Variants in WWC1 observed in about 807,000 individuals in gnomAD.
WWC1 encodes the protein protein KIBRA.
A neutral mutation model predicts 138.4 loss-of-function variants in WWC1; 55 were observed. The ratio of observed to expected loss-of-function variants is 0.40; its 90% CI spans 0.32 to 0.50. WWC1 has a LOEUF of 0.50. Among genes scored for constraint, WWC1 ranks in the 20% least tolerant of loss-of-function variants. WWC1 has a pLI of 0.72. For missense variants in WWC1, 1,226 were observed against 1,420.4 expected, an observed-to-expected ratio of 0.86 and a Z score of 2.20; for synonymous variants, 524 against 564.9, an observed-to-expected ratio of 0.93 and a Z score of 1.03.
chr5:168,428,147 T>C lies in WWC1; in HGVS notation c.1919+6T>C. 1.9e-6 allele frequency: 3 copies of C among 1,611,584 alleles called. No individual in the cohort carries two copies. The highest frequency in any genetic ancestry group is 2.5e-6 in the Non-Finnish European group (3 of 1,178,414). On this transcript the variant is annotated splice_donor_region_variant and intron_variant, in intron 12 of 22. Transcript: ENST00000265293. ...TACGAGGCTTCCGTGCAGAGGTAGG[T>C]GTCTGGGTGCTGGCTCTCTCTGTGG...
chr5:168,340,451 C>T (rs1357980034), intron 1 of WWC1, among the ~76,000 whole-genome samples: 1 of 152,162 alleles, frequency 6.6e-6, no homozygotes, highest in Admixed American at 6.5e-5. Context: ...ATCACCTCCC[C>T]ACAAAAAACT....
chr5:168,356,693 T>C (rs1775449669), intron 1 of WWC1, among the ~76,000 whole-genome samples: 2 of 152,228 alleles, frequency 1.3e-5, no homozygotes, highest in Admixed American at 6.5e-5. Context: ...AGAGCTGGCT[T>C]CTTCATGATG....
intron 17 of WWC1, among the ~76,000 whole-genome samples, chr5:168,453,631 C>T (rs763358434): frequency 1.8e-4 from 28 of 152,110 alleles, no homozygotes; most frequent in Admixed American, 3.9e-4. Flanking sequence ...CTGCAACCTC[C>T]ACCTCCCGGG....
intron 19 of WWC1, among the ~76,000 whole-genome samples, chr5:168,459,462 T>C (rs943614341): frequency 2.6e-5 from 4 of 152,122 alleles, no homozygotes; most frequent in African/African-American, 9.7e-5. Context: ...AACTCTGGTT[T>C]TGATGCTCCC....
chr5:168,362,345 G>C (rs1298349834), intron 1 of WWC1, among the ~76,000 whole-genome samples: 2 of 152,170 alleles, frequency 1.3e-5, no homozygotes, highest in Admixed American at 1.3e-4. Flanking sequence ...TTGCAAATGT[G>C]ACAACTGAGC....
chr5:168,344,214 T>G (rs563988914), intron 1 of WWC1, among the ~76,000 whole-genome samples: 23 of 152,342 alleles, frequency 1.5e-4, no homozygotes, highest in African/African-American at 5.5e-4. Context: ...TTTGAGTGTT[T>G]TAAGGCAGCC....
intron 21 of WWC1, among the ~76,000 whole-genome samples, chr5:168,465,693 G>A (rs1448945937): frequency 6.6e-6 from 1 of 151,262 alleles, no homozygotes; most frequent in Non-Finnish European, 1.5e-5. Flanking sequence ...GAGTAACTGT[G>A]TTGACAGGTG....
chr5:168,376,809 G>A (rs13187577), intron 2 of WWC1, among the ~76,000 whole-genome samples: 2,001 of 152,242 alleles, frequency 0.013, 16 homozygotes, highest in Admixed American at 0.023. Flanking sequence ...AAAACGTTCC[G>A]TGCTCATGGA....
chr5:168,372,766 C>T (rs1242339997), intron 2 of WWC1, among the ~76,000 whole-genome samples: 3 of 152,220 alleles, frequency 2.0e-5, no homozygotes, highest in Non-Finnish European at 4.4e-5. Context: ...CTGGCCACAC[C>T]TGTCTTGTGC....
chr5:168,428,562 ATT>A, intron 12 of WWC1, 143 bp from the exon 13 acceptor site: 2 of 656,254 alleles, frequency 3.0e-6, no homozygotes, highest in African/African-American at 3.7e-5. Context: ...TCTAAAAAAA[ATT>A]TTTTTTAATT....
Position 168,469,186 on chromosome 5 carries a change from A to C in WWC1, c.*169A>C, listed in dbSNP as rs981783307. On this transcript the variant is annotated 3_prime_UTR_variant, in exon 23 of 23. Coordinates refer to ENST00000265293, the MANE Select transcript of WWC1 (RefSeq NM_015238.3). ...AGTTTGGGTCCTACTGTTGTTATTAAAAACAGAACAAAAACAAAACACACA... is the reference window on the plus strand; with the variant it reads ...AGTTTGGGTCCTACTGTTGTTATTACAAACAGAACAAAAACAAAACACACA... 1 of 638,036 alleles carries C rather than the reference A, an allele frequency of 1.6e-6. No homozygotes were observed. The highest frequency in any genetic ancestry group is 2.7e-5 in the East Asian group (1 of 36,368). The allele number at this position is 638,036 out of a possible 1,614,324, so 39.5% of individuals were successfully genotyped here. A position where few individuals can be genotyped will look rare whatever the true frequency, so the allele number is the denominator to read the frequency against.
intron 9 of WWC1, among the ~76,000 whole-genome samples, chr5:168,418,834 C>G (rs1227656448): frequency 6.6e-6 from 1 of 150,814 alleles, no homozygotes; most frequent in Non-Finnish European, 1.5e-5. Context: ...GATTCCACAG[C>G]CTTGTTCATT....
At chr5:168,327,112 C>T (rs1750675980) in intron 1 of WWC1, among the ~76,000 whole-genome samples, 1 of 152,194 alleles carries the variant, frequency 6.6e-6, no homozygotes, top group Non-Finnish European at 1.5e-5. Flanking sequence ...GTTGCAACTA[C>T]TTTTGGAATT....
chr5:168,420,834 C>T (rs1781038649), intron 9 of WWC1, among the ~76,000 whole-genome samples: 1 of 152,184 alleles, frequency 6.6e-6, no homozygotes, highest in South Asian at 2.1e-4. Context: ...ACCTCACAGC[C>T]ACCCTCCCCG....
At chr5:168,386,692 C>T (rs990986972) in intron 3 of WWC1, among the ~76,000 whole-genome samples, 3 of 148,502 alleles carry the variant, frequency 2.0e-5, no homozygotes, top group Admixed American at 6.7e-5. Flanking sequence ...ACCGTGCCCT[C>T]GCTCTGTTGC....
chr5:168,417,897 G>A (rs937318815), intron 9 of WWC1, among the ~76,000 whole-genome samples: 2 of 152,160 alleles, frequency 1.3e-5, no homozygotes, highest in East Asian at 1.9e-4. Flanking sequence ...GTGGGGAGAC[G>A]GGAAAGCCGC....
Position 168,431,776 on chromosome 5 carries a change from G to A in WWC1, c.2280+332G>A, listed in dbSNP as rs577605779. 7.9e-5 allele frequency among the ~76,000 whole-genome samples: 12 copies of A among 152,260 alleles called. No individual in the cohort carries two copies. The South Asian group carries it at 2.3e-3, about 29-fold the overall frequency. On this transcript the variant is annotated intron_variant, in intron 15 of 22. Transcript: ENST00000265293. The stretch of plus-strand genomic sequence containing the variant: ...CTATACAGCATGAGAGATTAGATAA[G>A]AAGCACAGACTATGGCTGTGTGGTG...
chr5:168,436,122 C>T (rs1003474521), intron 15 of WWC1, among the ~76,000 whole-genome samples: 2 of 152,140 alleles, frequency 1.3e-5, no homozygotes, highest in African/African-American at 2.4e-5. Context: ...GGATTACAGA[C>T]GTGAGCCACC....
At chr5:168,453,733 A>T (rs1299453246) in intron 17 of WWC1, among the ~76,000 whole-genome samples, 1 of 152,020 alleles carries the variant, frequency 6.6e-6, no homozygotes, top group Admixed American at 6.6e-5. Flanking sequence ...TTTAGTAGAG[A>T]TGGGGTTTCA....
Sources: gnomAD v4.1 joint callset for allele counts (sites outside exome capture counted in the v4.1 genomes callset) on GRCh38, gnomAD v4.1.1 for gene constraint, MANE v1.5 for transcripts, NCBI Gene and HGNC (gene_info 2026-07-23, HGNC 2026-07-21) for gene names.